Variants in TMEM131 observed in about 807,000 individuals in gnomAD.
TMEM131 encodes 2610524E03Rik.
A neutral mutation model predicts 211.6 loss-of-function variants in TMEM131; 66 were observed. That is an observed-to-expected ratio of 0.31 (90% CI 0.26 to 0.38). TMEM131 has a LOEUF of 0.38. Ranked by LOEUF, TMEM131 falls within the 10% of genes least tolerant of loss-of-function variation. The probability of loss-of-function intolerance (pLI) is 1.00; values close to 1 mark genes in which losing one functional copy is unlikely to be tolerated. For synonymous variants in TMEM131, 844 were observed against 841.3 expected (o/e 1.00, Z -0.06); for missense variants, 2,036 against 2,299.3 (o/e 0.89, Z 2.34).
chr2:97,968,336 T>G lies in TMEM131; in HGVS notation c.187+27140A>C, dbSNP rs370756677. Among the ~76,000 whole-genome samples, 7 of 152,252 alleles carry G rather than the reference T, an allele frequency of 4.6e-5. No homozygotes were observed. In the South Asian group the frequency reaches 1.5e-3, roughly 32 times the overall value. On this transcript the variant is annotated intron_variant, in intron 1 of 40. Coordinates refer to ENST00000186436, the MANE Select transcript of TMEM131 (RefSeq NM_015348.2). ...ATATTATATATTATGTATATCTCAATGTGGTGTTTTAATATTTTAAGTGTT... is the reference window on the plus strand; with the variant it reads ...ATATTATATATTATGTATATCTCAAGGTGGTGTTTTAATATTTTAAGTGTT...
intron 2 of TMEM131, 27 bp from the exon 3 acceptor site, chr2:97,908,725 A>T (rs779127128): frequency 6.3e-7 from 1 of 1,588,474 alleles, no homozygotes; most frequent in East Asian, 2.2e-5. Context: ...ATAATGATTA[A>T]AAAACTGAAG....
At chr2:97,986,824 G>T (rs1680047137) in intron 1 of TMEM131, among the ~76,000 whole-genome samples, 1 of 152,170 alleles carries the variant, frequency 6.6e-6, no homozygotes, top group African/African-American at 2.4e-5. Context: ...TCGCCCAAAG[G>T]TTTGAAAGCA....
rs775277630 is a variant in TMEM131, at chr2:97,762,186, A to G, written c.4738T>C (p.Tyr1580His). 3.1e-6 allele frequency: 5 copies of G among 1,613,968 alleles called. No homozygotes were observed. Among genetic ancestry groups the G allele is most frequent in the Non-Finnish European group, 4.2e-6 (5 of 1,179,880 alleles). ...TTGAGGGTTTGCAGAGAAAGTTTAT[A>G]AAGACTATCAGTAGCTGGAAATTAA... Reference protein sequence around the residue: ...HKPGSSTDSLYKLSLQTLNAD... With the variant: ...HKPGSSTDSLHKLSLQTLNAD... Residue 1580 changes from tyrosine to histidine, a missense_variant, in exon 36 of 41, where the codon TAT (tyrosine) becomes CAT (histidine). By Grantham distance (83) the Tyr-to-His change is moderately conservative. This residue lies in a region of TMEM131 where 1,623 missense variants were observed against 1,805.9 expected (regional missense o/e 0.90). Coordinates refer to ENST00000186436, the MANE Select transcript of TMEM131 (RefSeq NM_015348.2).
rs1361962483 is a variant in TMEM131 at position 97,955,957 on chromosome 2, A to G, written c.188-28470T>C. On this transcript the variant is annotated intron_variant, in intron 1 of 40. Coordinates refer to ENST00000186436, the MANE Select transcript of TMEM131 (RefSeq NM_015348.2). ...CAATTCCTATCAATATCTCAGCAACATATTTCATACACACAAACTAGCTTA... is the reference window on the plus strand; with the variant it reads ...CAATTCCTATCAATATCTCAGCAACGTATTTCATACACACAAACTAGCTTA... Among the ~76,000 whole-genome samples the G allele has an allele frequency of 3.3e-5, 5 of 152,258 alleles. No homozygotes were observed. In the East Asian group the frequency reaches 9.6e-4, roughly 29 times the overall value.
At chr2:97,870,465 G>T (rs1281592477) in intron 4 of TMEM131, among the ~76,000 whole-genome samples, 1 of 152,062 alleles carries the variant, frequency 6.6e-6, no homozygotes, top group Non-Finnish European at 1.5e-5. Flanking sequence ...GGGACAGTGT[G>T]AGGTATTTAT....
chr2:97,821,673 C>T (rs1243639163), intron 11 of TMEM131, among the ~76,000 whole-genome samples: 1 of 152,188 alleles, frequency 6.6e-6, no homozygotes, highest in African/African-American at 2.4e-5. Context: ...GGGACTATCG[C>T]CAAGCAGTGA....
At chr2:97,994,361 T>C (rs1680395778) in intron 1 of TMEM131, among the ~76,000 whole-genome samples, 1 of 152,228 alleles carries the variant, frequency 6.6e-6, no homozygotes, top group South Asian at 2.1e-4. Flanking sequence ...TAAGGTTGCT[T>C]AGAGAGTTAG....
chr2:97,927,136 C>G (rs1033996222), intron 2 of TMEM131, among the ~76,000 whole-genome samples: 1 of 152,128 alleles, frequency 6.6e-6, no homozygotes, highest in Non-Finnish European at 1.5e-5. Context: ...TATGCAACCA[C>G]TCTCTATTAC....
Position 97,950,247 on chromosome 2 carries a change from T to C in TMEM131, c.188-22760A>G, listed in dbSNP as rs577041165. On this transcript the variant is annotated intron_variant, in intron 1 of 40. Transcript: ENST00000186436. ...AAAGTGTTCGCAAGGCTTTATAGTCTACATTTTCGTCTGTATGATAGTTAA... is the reference window on the plus strand; with the variant it reads ...AAAGTGTTCGCAAGGCTTTATAGTCCACATTTTCGTCTGTATGATAGTTAA... 5.9e-5 allele frequency among the ~76,000 whole-genome samples: 9 copies of C among 152,356 alleles called. No individual in the cohort carries two copies. The South Asian group carries it at 1.9e-3, about 32-fold the overall frequency.
chr2:97,973,607 AAGTACTGATC>A (rs1679401366), intron 1 of TMEM131, among the ~76,000 whole-genome samples: 2 of 152,224 alleles, frequency 1.3e-5, no homozygotes, highest in African/African-American at 4.8e-5. Flanking sequence ...GTCCTCGGTG[AAGTACTGATC>A]AGTGCATTTG....
At chr2:97,922,365 A>T (rs1333277910) in intron 2 of TMEM131, among the ~76,000 whole-genome samples, 1 of 152,166 alleles carries the variant, frequency 6.6e-6, no homozygotes, top group Non-Finnish European at 1.5e-5. Flanking sequence ...CTATGACCCA[A>T]CAACTGCATT....
At chr2:97,954,730 C>T (rs147867341) in intron 1 of TMEM131, among the ~76,000 whole-genome samples, 2,658 of 137,404 alleles carry the variant, frequency 0.019, 113 homozygotes, top group East Asian at 0.16. Flanking sequence ...TGCTTGAACC[C>T]GGGAGGCAGA....
chr2:97,979,255 T>C (rs550526511), intron 1 of TMEM131, among the ~76,000 whole-genome samples: 22 of 152,334 alleles, frequency 1.4e-4, no homozygotes, highest in African/African-American at 4.8e-4. Flanking sequence ...TAGAATTTTT[T>C]CAGCATGACA....
intron 39 of TMEM131, chr2:97,759,370 G>T: frequency 1.9e-6 from 1 of 527,010 alleles, no homozygotes; most frequent in Non-Finnish European, 3.4e-6. Flanking sequence ...ACACTCAGGG[G>T]TCCCATTTCA....
chr2:97,923,197 T>C (rs1250229873), intron 2 of TMEM131, among the ~76,000 whole-genome samples: 1 of 152,176 alleles, frequency 6.6e-6, no homozygotes, highest in Non-Finnish European at 1.5e-5. Flanking sequence ...AGAGAACTGC[T>C]GGAACCCAGG....
rs903501515 is a variant in TMEM131, at chr2:97,757,028, A to G, written c.*71T>C. ...GGGGAGCTGCAGTAAGAGCCTTAAA[A>G]AGATGTCTCAGAAACTGGCACATCA... On this transcript the variant is annotated 3_prime_UTR_variant, in exon 41 of 41. Coordinates refer to ENST00000186436, the MANE Select transcript of TMEM131 (RefSeq NM_015348.2). 1.4e-6 allele frequency: 2 copies of G among 1,481,462 alleles called. No homozygotes were observed. Among genetic ancestry groups the G allele is most frequent in the Non-Finnish European group, 9.0e-7 (1 of 1,113,550 alleles). The allele number at this position is 1,481,462 out of a possible 1,614,324, so 91.8% of individuals were successfully genotyped here. A position where few individuals can be genotyped will look rare whatever the true frequency, so the allele number is the denominator to read the frequency against.
intron 2 of TMEM131, 143 bp downstream of exon 2, chr2:97,927,283 T>TTA: frequency 2.0e-6 from 1 of 511,064 alleles, no homozygotes. Context: ...GTTTTTATAT[T>TTA]ACTAAAGACT....
chr2:97,888,241 A>G, intron 3 of TMEM131, 121 bp from the exon 4 acceptor site: 1 of 644,722 alleles, frequency 1.6e-6, no homozygotes, highest in East Asian at 2.8e-5. Flanking sequence ...TGGGTCTAAC[A>G]ATCTATCAGA....
In TMEM131 at chr2:97,873,894, T is replaced by C. The variant is rs150115789; in HGVS notation, c.359+14158A>G. On this transcript the variant is annotated intron_variant, in intron 4 of 40. Transcript: ENST00000186436. ...AGTTTGACGAACTGACAGAAGTAGGTTTCAGAAGGTGGGTAATAACAAACT... is the reference window on the plus strand; with the variant it reads ...AGTTTGACGAACTGACAGAAGTAGGCTTCAGAAGGTGGGTAATAACAAACT... 3.2e-3 allele frequency among the ~76,000 whole-genome samples: 491 copies of C among 152,118 alleles called. 7 individuals carry two copies. The East Asian group carries it at 0.041, about 13-fold the overall frequency.
Sources: gnomAD v4.1 joint callset for allele counts (sites outside exome capture counted in the v4.1 genomes callset) on GRCh38, gnomAD v4.1.1 for gene constraint, gnomAD v4.1.1 regional missense constraint, MANE v1.5 for transcripts, NCBI Gene and HGNC (gene_info 2026-07-23, HGNC 2026-07-21) for gene names.